The following WDR49 variants were observed in gnomAD, a reference collection of about 807,000 sequenced individuals.
WDR49 encodes the protein cilia- and flagella-associated protein 337.
In WDR49, 107 loss-of-function variants were observed where a neutral mutation model predicts 119.5. That is an observed-to-expected ratio of 0.90 (90% CI 0.77 to 1.05). The LOEUF is 1.05. WDR49 is among the 50% of genes least tolerant of loss of function. The pLI is 0.00. For synonymous variants in WDR49, 425 were observed against 418.8 expected, an observed-to-expected ratio of 1.01 and a Z score of -0.18; for missense variants, 1,240 against 1,220.5, an observed-to-expected ratio of 1.02 and a Z score of -0.24.
intron 2 of WDR49, among the ~76,000 whole-genome samples, chr3:167,649,516 T>C (rs185075148): frequency 1.4e-4 from 22 of 152,302 alleles, no homozygotes; most frequent in East Asian, 5.8e-4. Context: ...GATGAGAATA[T>C]CAAAATTCTT....
At chr3:167,614,472 T>C (rs1465468936) in intron 5 of WDR49, among the ~76,000 whole-genome samples, 1 of 152,180 alleles carries the variant, frequency 6.6e-6, no homozygotes, top group Non-Finnish European at 1.5e-5. Flanking sequence ...GAGGAAATTA[T>C]TAAAAAGGAA....
rs574329597 is a variant in WDR49, at chr3:167,575,234, C to G, written c.1509+684G>C. On this transcript the variant is annotated intron_variant, in intron 8 of 18. Coordinates refer to ENST00000682715, the MANE Select transcript of WDR49 (RefSeq NM_001366157.1). ...TCCCTTCATGATACCCACAGGCTGCCCCACACTGAGCTCACTGGCTTCACT... is the reference window on the plus strand; with the variant it reads ...TCCCTTCATGATACCCACAGGCTGCGCCACACTGAGCTCACTGGCTTCACT... 2.1e-4 allele frequency: 207 copies of G among 985,870 alleles called. 1 individual carries two copies. Among genetic ancestry groups the G allele is most frequent in the Middle Eastern group, 1.0e-3 (2 of 1,918 alleles). 61.1% of individuals were successfully genotyped at this position (985,870 alleles called of 1,614,324 possible).
chr3:167,509,207 G>C (rs1434175616), intron 16 of WDR49, among the ~76,000 whole-genome samples: 12 of 152,152 alleles, frequency 7.9e-5, no homozygotes, highest in Non-Finnish European at 1.5e-5. Context: ...AAAAAATGGA[G>C]TAGTTTATGC....
chr3:167,581,047 AG>A (rs1714504230), intron 7 of WDR49, among the ~76,000 whole-genome samples: 6 of 152,128 alleles, frequency 3.9e-5, no homozygotes, highest in Admixed American at 3.3e-4. Context: ...AGGCTTACTA[AG>A]TCAAGTCCAT....
At chr3:167,486,100 T>C (rs920220237) in intron 18 of WDR49, among the ~76,000 whole-genome samples, 6 of 152,118 alleles carry the variant, frequency 3.9e-5, no homozygotes, top group Admixed American at 1.3e-4. Context: ...ATTTTCAACA[T>C]ACTTAAAGAA....
At chr3:167,602,667 T>TAAGA (rs1003788341) in intron 6 of WDR49, among the ~76,000 whole-genome samples, 60 of 151,782 alleles carry the variant, frequency 4.0e-4, no homozygotes, top group African/African-American at 1.4e-3. Flanking sequence ...ATCCCAGGAG[T>TAAGA]AAGAAAGAAA....
intron 18 of WDR49, among the ~76,000 whole-genome samples, chr3:167,492,743 C>A (rs1305368314): frequency 2.0e-5 from 3 of 152,060 alleles, no homozygotes; most frequent in Non-Finnish European, 2.9e-5. Flanking sequence ...TGTTTTGAAA[C>A]CAGTCTTATG....
chr3:167,488,410 G>C (rs1460077233), intron 18 of WDR49, among the ~76,000 whole-genome samples: 1 of 151,854 alleles, frequency 6.6e-6, no homozygotes, highest in Non-Finnish European at 1.5e-5. Flanking sequence ...ATGGAGTGAG[G>C]GGCATGGTTT....
intron 2 of WDR49, among the ~76,000 whole-genome samples, chr3:167,629,942 G>A (rs1717294860): frequency 1.3e-5 from 2 of 152,094 alleles, no homozygotes; most frequent in Admixed American, 1.3e-4. Flanking sequence ...TTCTTGAGAT[G>A]GAATCTATTC....
chr3:167,491,170 C>T (rs1751117903), intron 18 of WDR49, among the ~76,000 whole-genome samples: 1 of 152,024 alleles, frequency 6.6e-6, no homozygotes, highest in South Asian at 2.1e-4. Flanking sequence ...AACAAGAACC[C>T]CTGAGAGACT....
At chr3:167,536,686 CATATAT>C (rs368084455) in intron 11 of WDR49, among the ~76,000 whole-genome samples, 178 bp downstream of exon 11, 1 of 132,584 alleles carries the variant, frequency 7.5e-6, no homozygotes, top group South Asian at 2.4e-4. Context: ...TCTCAAAATA[CATATAT>C]ATATATATAT....
At chr3:167,564,957 A>G (rs1447760552) in intron 8 of WDR49, among the ~76,000 whole-genome samples, 5 of 151,976 alleles carry the variant, frequency 3.3e-5, no homozygotes, top group African/African-American at 1.2e-4. Context: ...ACGAGCTAAC[A>G]GAGGGTTGAG....
At chr3:167,571,697 T>C (rs1488532779) in intron 8 of WDR49, among the ~76,000 whole-genome samples, 1 of 152,240 alleles carries the variant, frequency 6.6e-6, no homozygotes, top group East Asian at 1.9e-4. Flanking sequence ...AAATAGTCTA[T>C]GCAGAGAAAG....
intron 7 of WDR49, among the ~76,000 whole-genome samples, chr3:167,583,183 A>T (rs552527369): frequency 1.3e-5 from 2 of 152,126 alleles, no homozygotes; most frequent in Non-Finnish European, 2.9e-5. Context: ...TGCCTTTAAA[A>T]ATGTCGTTTA....
intron 18 of WDR49, among the ~76,000 whole-genome samples, chr3:167,490,244 T>C (rs1751082449): frequency 6.6e-6 from 1 of 152,200 alleles, no homozygotes; most frequent in Admixed American, 6.5e-5. Context: ...TTGAACCTTT[T>C]AAATATGTTG....
chr3:167,639,256 G>T (rs1233110565), intron 2 of WDR49, among the ~76,000 whole-genome samples: 1 of 151,730 alleles, frequency 6.6e-6, no homozygotes, highest in Non-Finnish European at 1.5e-5. Context: ...TTATGGCAAA[G>T]AAGTTTATGC....
intron 3 of WDR49, among the ~76,000 whole-genome samples, chr3:167,623,263 G>A (rs1716955097): frequency 1.3e-5 from 2 of 151,944 alleles, no homozygotes; most frequent in South Asian, 4.1e-4. Flanking sequence ...TACATCTTAC[G>A]AATACAAATG....
intron 5 of WDR49, among the ~76,000 whole-genome samples, chr3:167,607,457 C>T (rs1021838758): frequency 1.3e-5 from 2 of 152,144 alleles, no homozygotes; most frequent in Non-Finnish European, 2.9e-5. Flanking sequence ...TTTATTGAAT[C>T]CTTCCTATGT....
At chr3:167,534,442 C>T (rs1267479003) in intron 11 of WDR49, among the ~76,000 whole-genome samples, 2 of 152,292 alleles carry the variant, frequency 1.3e-5, no homozygotes, top group East Asian at 1.9e-4. Context: ...GTGCCCATCA[C>T]ATTTCAGGAT....
Sources: allele counts gnomAD v4.1 joint callset (sites outside exome capture counted in the v4.1 genomes callset), GRCh38; gene constraint gnomAD v4.1.1; transcripts MANE v1.5; gene names NCBI Gene and HGNC (gene_info 2026-07-23, HGNC 2026-07-21).